GADL1: variants seen among roughly 807,000 people sequenced by gnomAD.
GADL1 encodes GAD like acidic amino acid decarboxylase 1.
In GADL1, 71 loss-of-function variants were observed where a neutral mutation model predicts 69.5. The ratio of observed to expected loss-of-function variants is 1.02; its 90% confidence interval spans 0.84 to 1.25. The LOEUF is 1.25. GADL1 is among the 50% of genes most tolerant of loss of function. GADL1 has a pLI of 0.00. For missense variants in GADL1, 737 were observed against 631.8 expected (o/e 1.17, Z -1.79); for synonymous variants, 254 against 214.4 (o/e 1.18, Z -1.62).
chr3:30,859,371 T>C (rs930475632), intron 2 of GADL1, among the ~76,000 whole-genome samples: 3 of 151,870 alleles, frequency 2.0e-5, no homozygotes, highest in Non-Finnish European at 4.4e-5. Flanking sequence ...TTCAACAACA[T>C]GGATGAATCT....
intron 14 of GADL1, among the ~76,000 whole-genome samples, chr3:30,756,558 C>T (rs1281621823): frequency 6.6e-6 from 1 of 151,966 alleles, no homozygotes; most frequent in Non-Finnish European, 1.5e-5. Context: ...TGCTTTGGTT[C>T]ATAGAAAACA....
intron 1 of GADL1, among the ~76,000 whole-genome samples, chr3:30,885,376 A>G (rs1331266669): frequency 6.6e-6 from 1 of 152,134 alleles, no homozygotes; most frequent in Non-Finnish European, 1.5e-5. Context: ...CAATAGAATG[A>G]CATTCATGCC....
chr3:30,740,874 C>T (rs1695605874), intron 14 of GADL1, among the ~76,000 whole-genome samples: 1 of 144,840 alleles, frequency 6.9e-6, no homozygotes, highest in South Asian at 2.1e-4. Flanking sequence ...ATTTCCTGAA[C>T]AATTTTTATA....
chr3:30,813,021 C>T (rs1004075004), intron 11 of GADL1, among the ~76,000 whole-genome samples: 2 of 152,066 alleles, frequency 1.3e-5, no homozygotes, highest in African/African-American at 4.8e-5. Flanking sequence ...GGAGTGACTG[C>T]ACACACACTC....
chr3:30,831,557 A>G (rs1267928969), intron 11 of GADL1, among the ~76,000 whole-genome samples: 1 of 152,002 alleles, frequency 6.6e-6, no homozygotes, highest in Non-Finnish European at 1.5e-5. Context: ...ACATTTCAAA[A>G]TTACCCCAAA....
intron 14 of GADL1, among the ~76,000 whole-genome samples, chr3:30,762,267 T>C (rs1185862318): frequency 2.0e-5 from 3 of 152,168 alleles, no homozygotes; most frequent in Non-Finnish European, 2.9e-5. Context: ...ATGGCAGTAA[T>C]CTAGGTGAGA....
chr3:30,889,134 A>G (rs1333623984), intron 1 of GADL1, among the ~76,000 whole-genome samples: 1 of 148,616 alleles, frequency 6.7e-6, no homozygotes, highest in Non-Finnish European at 1.5e-5. Flanking sequence ...ATGGACTCAC[A>G]GTTCCACATG....
rs1697033435 is a variant in GADL1 at position 30,796,396 on chromosome 3, A to T, written c.1250+4493T>A. Among the ~76,000 whole-genome samples the T allele has an allele frequency of 2.0e-5, 3 of 152,300 alleles. No individual in the cohort carries two copies. In the South Asian group the frequency reaches 6.2e-4, roughly 32 times the overall value. On this transcript the variant is annotated intron_variant, in intron 12 of 14. Coordinates refer to ENST00000282538, the MANE Select transcript of GADL1 (RefSeq NM_207359.3). Reference sequence around the variant, plus strand: ...TCTAACAAAGGTACCTTCATCTAGGATCAGTACACATTCTATAAGAAGAAT... The same window carrying T: ...TCTAACAAAGGTACCTTCATCTAGGTTCAGTACACATTCTATAAGAAGAAT...
At chr3:30,739,575 T>G (rs1029575210) in intron 14 of GADL1, among the ~76,000 whole-genome samples, 1 of 152,208 alleles carries the variant, frequency 6.6e-6, no homozygotes, top group African/African-American at 2.4e-5. Flanking sequence ...ATACCTTCTC[T>G]TTGCATCTCT....
chr3:30,861,973 A>G (rs1328063402), intron 1 of GADL1, among the ~76,000 whole-genome samples: 1 of 151,966 alleles, frequency 6.6e-6, no homozygotes, highest in East Asian at 1.9e-4. Context: ...CTCACAATTT[A>G]TGGATTAAGT....
intron 14 of GADL1, among the ~76,000 whole-genome samples, chr3:30,735,336 T>C (rs1695527374): frequency 6.6e-6 from 1 of 152,186 alleles, no homozygotes. Flanking sequence ...GGCTGTATAG[T>C]CTTCATGAAA....
At chr3:30,839,936 A>C (rs1009841957) in intron 8 of GADL1, among the ~76,000 whole-genome samples, 1 of 152,160 alleles carries the variant, frequency 6.6e-6, no homozygotes, top group African/African-American at 2.4e-5. Flanking sequence ...TGAAGAGTAC[A>C]TGAGATTGTT....
At chr3:30,887,337 T>A (rs1282167275) in intron 1 of GADL1, among the ~76,000 whole-genome samples, 1 of 152,174 alleles carries the variant, frequency 6.6e-6, no homozygotes, top group Non-Finnish European at 1.5e-5. Flanking sequence ...GTAATTGGAT[T>A]GTGAAGCCTC....
At chr3:30,893,555 C>T (rs879752792) in intron 1 of GADL1, among the ~76,000 whole-genome samples, 1 of 152,136 alleles carries the variant, frequency 6.6e-6, no homozygotes, top group Admixed American at 6.5e-5. Flanking sequence ...CTCTGGTAAC[C>T]ACTATTCTAA....
intron 1 of GADL1, among the ~76,000 whole-genome samples, chr3:30,879,305 A>T (rs984803466): frequency 6.6e-6 from 1 of 151,886 alleles, no homozygotes; most frequent in African/African-American, 2.4e-5. Flanking sequence ...CCAGTAGAGA[A>T]AATGCATCCC....
intron 11 of GADL1, among the ~76,000 whole-genome samples, chr3:30,809,287 G>A (rs764424839): frequency 3.9e-5 from 6 of 152,150 alleles, no homozygotes; most frequent in Non-Finnish European, 5.9e-5. Flanking sequence ...CTTTGTCAGA[G>A]TAGAAAATAT....
In GADL1 at chr3:30,801,007, C is replaced by T. The variant is rs1697152071; in HGVS notation, c.1132G>A (p.Gly378Arg). 7 of 1,614,008 alleles carry T rather than the reference C, an allele frequency of 4.3e-6. No homozygotes were observed. The highest frequency in any genetic ancestry group is 4.0e-5 in the African/African-American group (3 of 75,050). ...DKFYDVSYDT[G>R]DKSIQCSRRP... The stretch of plus-strand genomic sequence containing the variant: ...CTGCTACACTGGATAGACTTGTCTC[C>T]TGTGTCATAGCTCACATCATAGAAT... The change falls in exon 12 of 15, where the codon GGA (glycine) becomes AGA (arginine). Residue 378 changes from glycine to arginine, a missense_variant. By Grantham distance (125) the Gly-to-Arg change is moderately radical. Coordinates refer to ENST00000282538, the MANE Select transcript of GADL1 (RefSeq NM_207359.3).
Position 30,816,530 on chromosome 3 carries a change from C to CTTTTTTTT in GADL1, c.1051-15450_1051-15443dup, listed in dbSNP as rs773530741. Among the ~76,000 whole-genome samples, 153 of 53,980 alleles carry CTTTTTTTT rather than the reference C, an allele frequency of 2.8e-3. 43 individuals are homozygous for CTTTTTTTT. Among genetic ancestry groups the CTTTTTTTT allele is most frequent in the Non-Finnish European group, 4.6e-3 (116 of 25,430 alleles). The allele number at this position is 53,980 out of a possible 152,430, so 35.4% of individuals were successfully genotyped here. A position where few individuals can be genotyped will look rare whatever the true frequency, so the allele number is the denominator to read the frequency against. The stretch of plus-strand genomic sequence containing the variant: ...AGACCATATATTCTTAATTTGTTTT[C>CTTTTTTTT]TTTTTTTTTTTTTTTTTTTTTTTTT... On this transcript the variant is annotated intron_variant, in intron 11 of 14. Transcript: ENST00000282538.
chr3:30,860,187 A>C (rs1250689004), intron 2 of GADL1, among the ~76,000 whole-genome samples: 1 of 151,908 alleles, frequency 6.6e-6, no homozygotes, highest in Admixed American at 6.6e-5. Context: ...CTCCTGAGTG[A>C]AATCCCAAAA....
Sources: allele counts gnomAD v4.1 joint callset (sites outside exome capture counted in the v4.1 genomes callset), GRCh38; gene constraint gnomAD v4.1.1; transcripts MANE v1.5; gene names NCBI Gene and HGNC (gene_info 2026-07-23, HGNC 2026-07-21).